The following CAMK2B variants were observed in gnomAD, a reference collection of about 807,000 sequenced individuals.
The protein encoded by CAMK2B is calcium/calmodulin-dependent protein kinase type II subunit beta.
A neutral mutation model predicts 93.7 loss-of-function variants in CAMK2B; 27 were observed. The observed-to-expected ratio is 0.29, with a 90% confidence interval of 0.21 to 0.40. CAMK2B has a LOEUF of 0.40. Ranked by LOEUF, CAMK2B falls within the 10% of genes least tolerant of loss-of-function variation. CAMK2B has a pLI of 1.00. For synonymous variants in CAMK2B, 374 were observed against 358.8 expected (o/e 1.04, Z -0.48); for missense variants, 568 against 895.8 (o/e 0.63, Z 4.67).
chr7:44,243,937 G>A (rs1168560512), intron 6 of CAMK2B, among the ~76,000 whole-genome samples: 1 of 152,110 alleles, frequency 6.6e-6, no homozygotes, highest in Non-Finnish European at 1.5e-5. Flanking sequence ...CATGGCCCTC[G>A]GACTCCCACT....
At chr7:44,289,330 G>T (rs995625831) in intron 1 of CAMK2B, among the ~76,000 whole-genome samples, 1 of 152,230 alleles carries the variant, frequency 6.6e-6, no homozygotes. Context: ...TCCCTGAGCA[G>T]CATGGCTGGA....
chr7:44,294,598 G>A (rs1273660570), intron 1 of CAMK2B, among the ~76,000 whole-genome samples: 1 of 152,174 alleles, frequency 6.6e-6, no homozygotes, highest in Non-Finnish European at 1.5e-5. Context: ...GAGTCAACAG[G>A]CTACCTCCTG....
chr7:44,229,665 C>T, intron 17 of CAMK2B, 164 bp from the exon 18 acceptor site: 1 of 496,892 alleles, frequency 2.0e-6, no homozygotes, highest in Non-Finnish European at 3.5e-6. Context: ...GGTCCTGGGC[C>T]TGTGGTGGCC....
At chr7:44,239,560 G>A (rs928647677) in intron 13 of CAMK2B, 29 bp downstream of exon 13, 34 of 1,530,178 alleles carry the variant, frequency 2.2e-5, no homozygotes, top group Middle Eastern at 2.1e-4. Flanking sequence ...GGGCGGGAGC[G>A]GGCGGGACGC....
intron 13 of CAMK2B, among the ~76,000 whole-genome samples, chr7:44,236,296 T>A (rs935044619): frequency 2.0e-5 from 3 of 152,172 alleles, no homozygotes; most frequent in Admixed American, 6.5e-5. Flanking sequence ...GCGCAGTGGC[T>A]GCACGTGGCC....
intron 20 of CAMK2B, among the ~76,000 whole-genome samples, chr7:44,222,407 C>A (rs910969455): frequency 1.3e-5 from 2 of 152,126 alleles, no homozygotes; most frequent in African/African-American, 2.4e-5. Context: ...ATACATGCAA[C>A]CTGTCTGTGG....
At chr7:44,264,607 C>T (rs555217429) in intron 2 of CAMK2B, among the ~76,000 whole-genome samples, 7 of 152,290 alleles carry the variant, frequency 4.6e-5, no homozygotes, top group Non-Finnish European at 7.4e-5. Flanking sequence ...GACCCCATCC[C>T]GCTGTTTTGC....
intron 5 of CAMK2B, among the ~76,000 whole-genome samples, chr7:44,249,414 C>A (rs1172738285): frequency 6.6e-6 from 1 of 152,204 alleles, no homozygotes; most frequent in Non-Finnish European, 1.5e-5. Flanking sequence ...CTCCCAGGGG[C>A]CCTCCCAAGG....
In CAMK2B at chr7:44,241,585, C is replaced by T. The variant is rs549823241; in HGVS notation, c.903+115G>A. ...AGTCTGGGACTTGCTAACAGTCAGT[C>T]TTGGGGGCAGCAGTAACCCCTAGGT... On this transcript the variant is annotated intron_variant, in intron 11 of 23. Transcript: ENST00000395749. The T allele has an allele frequency of 1.3e-3, 978 of 779,024 alleles. 4 individuals are homozygous for T. The African/African-American group carries it at 0.015, about 12-fold the overall frequency. 48.3% of individuals were successfully genotyped at this position (779,024 alleles called of 1,614,324 possible). A position where few individuals can be genotyped will look rare whatever the true frequency, so the allele number is the denominator to read the frequency against.
intron 13 of CAMK2B, 41 bp downstream of exon 13, chr7:44,239,548 A>T: frequency 6.6e-7 from 1 of 1,505,858 alleles, no homozygotes; most frequent in Non-Finnish European, 9.0e-7. Flanking sequence ...GGCAGGAGGG[A>T]CGGGCGGGAG....
chr7:44,229,251 C>T (rs1442623005), intron 18 of CAMK2B, 137 bp downstream of exon 18: 5 of 644,198 alleles, frequency 7.8e-6, no homozygotes, highest in Non-Finnish European at 1.1e-5. Context: ...CCTGGAAAGC[C>T]CCAGTGAGGG....
chr7:44,229,243 T>C (rs2096554013), intron 18 of CAMK2B, 145 bp downstream of exon 18: 3 of 634,364 alleles, frequency 4.7e-6, no homozygotes, highest in Non-Finnish European at 8.3e-6. Context: ...GGGGCCACCC[T>C]GGAAAGCCCC....
intron 1 of CAMK2B, among the ~76,000 whole-genome samples, chr7:44,291,090 G>A (rs998034604): frequency 2.0e-5 from 3 of 152,130 alleles, no homozygotes; most frequent in Non-Finnish European, 4.4e-5. Flanking sequence ...TGTCCCCCGC[G>A]CTGTTAATGA....
chr7:44,277,004 C>G (rs190176145), intron 2 of CAMK2B, among the ~76,000 whole-genome samples: 1 of 152,290 alleles, frequency 6.6e-6, no homozygotes, highest in African/African-American at 2.4e-5. Context: ...GGCACGGACC[C>G]TGCACCAGGC....
At chr7:44,298,866 T>G (rs1789083987) in intron 1 of CAMK2B, among the ~76,000 whole-genome samples, 3 of 152,210 alleles carry the variant, frequency 2.0e-5, no homozygotes, top group African/African-American at 7.2e-5. Flanking sequence ...TTATAAATTT[T>G]TTTTAATTGA....
chr7:44,324,504 C>T (rs1796974484), intron 1 of CAMK2B, among the ~76,000 whole-genome samples: 1 of 152,182 alleles, frequency 6.6e-6, no homozygotes, highest in Non-Finnish European at 1.5e-5. Context: ...CGAACCAGAC[C>T]TTCGCCCTAC....
At chr7:44,237,092 C>T (rs10253419) in intron 13 of CAMK2B, among the ~76,000 whole-genome samples, 30,532 of 152,296 alleles carry the variant, frequency 0.2, 3,909 homozygotes, top group Non-Finnish European at 0.28. Context: ...TACTTCCAGC[C>T]AGGCTCTGCA....
chr7:44,317,920 T>G (rs1795206405), intron 1 of CAMK2B, among the ~76,000 whole-genome samples: 1 of 152,170 alleles, frequency 6.6e-6, no homozygotes, highest in Non-Finnish European at 1.5e-5. Context: ...AGGTATGCAG[T>G]GCCCATTGGA....
In CAMK2B at chr7:44,224,996, C is replaced by T. The variant is rs1475397112; in HGVS notation, c.1597+1520G>A. Among the ~76,000 whole-genome samples the T allele has an allele frequency of 6.6e-6, 1 of 152,084 alleles. No homozygotes were observed. Among genetic ancestry groups the T allele is most frequent in the East Asian group, 1.9e-4 (1 of 5,158 alleles). On this transcript the variant is annotated intron_variant, in intron 20 of 23. Transcript: ENST00000395749. The surrounding 1 kb of genome is among the most constrained non-coding windows in gnomAD (Gnocchi z 4.4). ...CCTCCCAGGAGGGCCACACGAATCT[C>T]CATCCTGCCCTGCTCACAGCTCCTT...
Sources: allele counts gnomAD v4.1 joint callset (sites outside exome capture counted in the v4.1 genomes callset), GRCh38; gene constraint gnomAD v4.1.1; non-coding constraint Gnocchi (gnomAD v3.1); transcripts MANE v1.5; gene names NCBI Gene and HGNC (gene_info 2026-07-23, HGNC 2026-07-21).